Variants in MACROD2 observed in about 807,000 individuals in gnomAD.
The protein encoded by MACROD2 is ADP-ribose glycohydrolase MACROD2.
Under a neutral mutation model 70.4 loss-of-function variants are expected in MACROD2, and 36 were observed. The ratio of observed to expected loss-of-function variants is 0.51; its 90% CI spans 0.39 to 0.68. MACROD2 has a LOEUF of 0.68. Ranked by LOEUF, MACROD2 falls within the 30% of genes least tolerant of loss-of-function variation. The probability of loss-of-function intolerance (pLI) is 0.00; values close to 1 mark genes in which losing one functional copy is unlikely to be tolerated. For synonymous variants in MACROD2, 172 were observed against 178.8 expected (o/e 0.96, Z 0.30); for missense variants, 496 against 538.4 (o/e 0.92, Z 0.78).
At chr20:15,850,321 T>A (rs1231033543) in intron 8 of MACROD2, among the ~76,000 whole-genome samples, 1 of 152,138 alleles carries the variant, frequency 6.6e-6, no homozygotes, top group Non-Finnish European at 1.5e-5. Context: ...AGTCTTTGGT[T>A]GAGGCTGCCA....
intron 6 of MACROD2, among the ~76,000 whole-genome samples, chr20:15,387,464 C>T (rs1371310250): frequency 2.0e-5 from 3 of 151,856 alleles, no homozygotes; most frequent in Non-Finnish European, 2.9e-5. Flanking sequence ...TCCTTCTCTT[C>T]CTCTTTCACT....
chr20:15,931,931 T>G (rs921754104), intron 10 of MACROD2, among the ~76,000 whole-genome samples: 2 of 152,168 alleles, frequency 1.3e-5, no homozygotes, highest in Non-Finnish European at 2.9e-5. Flanking sequence ...CTGCTACTAG[T>G]GGCCTCCTCT....
intron 10 of MACROD2, among the ~76,000 whole-genome samples, chr20:15,912,710 G>C (rs1224507232): frequency 6.6e-6 from 1 of 152,060 alleles, no homozygotes; most frequent in African/African-American, 2.4e-5. Flanking sequence ...GGAGGTTATT[G>C]GATTGCAAAG....
intron 8 of MACROD2, among the ~76,000 whole-genome samples, chr20:15,764,350 G>A (rs1318456643): frequency 6.6e-6 from 1 of 152,044 alleles, no homozygotes; most frequent in Non-Finnish European, 1.5e-5. Flanking sequence ...TATTTGTTCT[G>A]TTCATCCATT....
In MACROD2 at chr20:14,333,062, C is replaced by A. The variant is rs1039183118; in HGVS notation, c.272-160417C>A. On this transcript the variant is annotated intron_variant, in intron 3 of 17. Coordinates refer to ENST00000684519, the MANE Select transcript of MACROD2 (RefSeq NM_001351661.2). ...ATCAGATTTCAGGAAAGTTCCAATT[C>A]TTTTGTTCAATGCCAGGCAAGCAGA... 3.8e-4 allele frequency among the ~76,000 whole-genome samples: 58 copies of A among 151,938 alleles called. 1 individual carries two copies. The highest frequency in any genetic ancestry group is 1.4e-3 in the African/African-American group (57 of 41,458).
chr20:15,416,662 T>C (rs2046154435), intron 6 of MACROD2, among the ~76,000 whole-genome samples: 1 of 152,102 alleles, frequency 6.6e-6, no homozygotes, highest in Non-Finnish European at 1.5e-5. Flanking sequence ...CCCAGCACTT[T>C]GGGAGGCCGA....
At chr20:15,461,006 A>ATATATATATTTTTTTTTTTTTT in intron 7 of MACROD2, among the ~76,000 whole-genome samples, 1 of 66,992 alleles carries the variant, frequency 1.5e-5, no homozygotes, top group African/African-American at 4.2e-5. Flanking sequence ...ATATATATAT[A>ATATATATATTTTTTTTTTTTTT]TTTTTTTTTA....
chr20:15,197,157 C>T (rs1286894823), intron 5 of MACROD2: 1 of 321,858 alleles, frequency 3.1e-6, no homozygotes, highest in East Asian at 1.7e-4. Context: ...TTTTAAGGTA[C>T]CTTTAATCTT....
At chr20:14,042,551 T>C (rs1256905931) in intron 2 of MACROD2, among the ~76,000 whole-genome samples, 1 of 152,096 alleles carries the variant, frequency 6.6e-6, no homozygotes, top group Non-Finnish European at 1.5e-5. Flanking sequence ...CGGGCTAGAG[T>C]ACAGTGGTGC....
At chr20:15,196,864 G>A (rs1254856817) in intron 5 of MACROD2, 2 of 985,134 alleles carry the variant, frequency 2.0e-6, no homozygotes, top group Non-Finnish European at 2.4e-6. Context: ...TGCCACTATC[G>A]AGAAGCAGAT....
At chr20:14,947,067 C>T (rs964251400) in intron 5 of MACROD2, among the ~76,000 whole-genome samples, 1 of 152,116 alleles carries the variant, frequency 6.6e-6, no homozygotes, top group Non-Finnish European at 1.5e-5. Context: ...CTTGGCTCAG[C>T]CCATTTCTTA....
chr20:15,420,588 C>T (rs1318531243), intron 6 of MACROD2, among the ~76,000 whole-genome samples: 1 of 130,092 alleles, frequency 7.7e-6, no homozygotes, highest in African/African-American at 2.9e-5. Context: ...ACTATATTCA[C>T]CCATGCGATG....
At chr20:14,141,043 G>C (rs1246741975) in intron 3 of MACROD2, among the ~76,000 whole-genome samples, 1 of 152,120 alleles carries the variant, frequency 6.6e-6, no homozygotes, top group East Asian at 1.9e-4. Context: ...ATTTACTGTA[G>C]CATATGCTTC....
intron 5 of MACROD2, among the ~76,000 whole-genome samples, chr20:14,815,217 C>A (rs151113816): frequency 6.6e-6 from 1 of 152,004 alleles, no homozygotes; most frequent in Non-Finnish European, 1.5e-5. Flanking sequence ...ATGTGGTTTC[C>A]TGGAGATAAG....
intron 4 of MACROD2, among the ~76,000 whole-genome samples, chr20:14,626,246 C>T (rs1984151626): frequency 6.6e-6 from 1 of 152,130 alleles, no homozygotes; most frequent in African/African-American, 2.4e-5. Context: ...TATCATACTT[C>T]CTAGAAGCTG....
At chr20:14,417,331 T>C (rs536092613) in intron 3 of MACROD2, among the ~76,000 whole-genome samples, 4 of 152,196 alleles carry the variant, frequency 2.6e-5, no homozygotes, top group Non-Finnish European at 5.9e-5. Flanking sequence ...TGCCCTAAGA[T>C]TGAATGTAAT....
intron 10 of MACROD2, among the ~76,000 whole-genome samples, chr20:15,928,575 T>G (rs1283064618): frequency 6.6e-6 from 1 of 152,250 alleles, no homozygotes; most frequent in African/African-American, 2.4e-5. Flanking sequence ...CTGTGGAATC[T>G]TAACACGCCT....
chr20:15,686,595 G>A (rs1474425826), intron 8 of MACROD2, among the ~76,000 whole-genome samples: 3 of 152,058 alleles, frequency 2.0e-5, no homozygotes, highest in South Asian at 2.1e-4. Flanking sequence ...TTTGTTGGCC[G>A]GGCATGGTGG....
chr20:14,926,695 C>A (rs1384999441), intron 5 of MACROD2, among the ~76,000 whole-genome samples: 1 of 152,046 alleles, frequency 6.6e-6, no homozygotes, highest in African/African-American at 2.4e-5. Context: ...CAGAGCCAAC[C>A]CAGAGTGTTG....
Sources: gnomAD v4.1 joint callset for allele counts (sites outside exome capture counted in the v4.1 genomes callset) on GRCh38, gnomAD v4.1.1 for gene constraint, MANE v1.5 for transcripts, NCBI Gene and HGNC (gene_info 2026-07-23, HGNC 2026-07-21) for gene names.